The following GOLIM4 variants were observed in gnomAD, a reference collection of about 807,000 sequenced individuals.
The protein encoded by GOLIM4 is 130 kDa golgi-localized phosphoprotein.
GOLIM4 carries 71 observed loss-of-function variants against 107.4 expected under a neutral mutation model. That is an observed-to-expected ratio of 0.66 (90% CI 0.55 to 0.81). GOLIM4 has a LOEUF of 0.81. Among genes scored for constraint, GOLIM4 ranks in the 30% least tolerant of loss-of-function variants. The pLI is 0.00. For missense variants in GOLIM4, 830 were observed against 826.1 expected, an observed-to-expected ratio of 1.00 and a Z score of -0.06; for synonymous variants, 327 against 294.8, an observed-to-expected ratio of 1.11 and a Z score of -1.12.
At chr3:168,059,728 C>T (rs1024661401) in intron 1 of GOLIM4, among the ~76,000 whole-genome samples, 4 of 152,024 alleles carry the variant, frequency 2.6e-5, no homozygotes, top group African/African-American at 4.8e-5. Flanking sequence ...TAAAAGAGAT[C>T]GAAAGAGACT....
At chr3:168,049,799 T>C (rs1309470643) in intron 1 of GOLIM4, among the ~76,000 whole-genome samples, 1 of 152,162 alleles carries the variant, frequency 6.6e-6, no homozygotes, top group African/African-American at 2.4e-5. Flanking sequence ...CAACCACCAT[T>C]GTCCTCTTTT....
chr3:168,011,228 T>C (rs951953519), intron 14 of GOLIM4, among the ~76,000 whole-genome samples: 14 of 150,642 alleles, frequency 9.3e-5, no homozygotes, highest in African/African-American at 3.2e-4. Context: ...TTGTCTCACT[T>C]GGGAAGCTCA....
chr3:168,010,789 T>G lies in GOLIM4; in HGVS notation c.1895A>C (p.Glu632Ala), dbSNP rs376136189. 6.2e-7 allele frequency: 1 copy of G among 1,612,268 alleles called. No individual in the cohort carries two copies. The highest frequency in any genetic ancestry group is 8.5e-7 in the Non-Finnish European group (1 of 1,178,882). The change falls in exon 15 of 16, where the codon GAA becomes GCA. Residue 632 changes from glutamate to alanine, a missense_variant. By Grantham distance (107) the Glu-to-Ala change is moderately radical. Coordinates refer to ENST00000470487, the MANE Select transcript of GOLIM4 (RefSeq NM_014498.5). ...QEDLTEEKKR[E>A]LEHNAEETYG... ...GGTCTCTTCAGCATTATGCTCCAGT[T>G]CCCTTTTTTTCTCTTCAGTCAAATC...
chr3:168,057,924 C>T (rs1720066859), intron 1 of GOLIM4, among the ~76,000 whole-genome samples: 1 of 152,084 alleles, frequency 6.6e-6, no homozygotes, highest in Admixed American at 6.6e-5. Flanking sequence ...TCTTCTATGC[C>T]CCAGCACTTT....
At chr3:168,077,921 A>G (rs9835867) in intron 1 of GOLIM4, among the ~76,000 whole-genome samples, 39,893 of 152,040 alleles carry the variant, frequency 0.26, 6,321 homozygotes, top group African/African-American at 0.44. Context: ...CAGTCTTTCA[A>G]ATGAACTGAA....
chr3:168,091,807 C>T (rs532101141), intron 1 of GOLIM4, among the ~76,000 whole-genome samples: 4 of 152,220 alleles, frequency 2.6e-5, no homozygotes, highest in Non-Finnish European at 4.4e-5. Context: ...ATAAGAAAAA[C>T]GTCAAGGTTC....
chr3:168,036,182 TACA>T (rs1356737713), intron 8 of GOLIM4, among the ~76,000 whole-genome samples: 1 of 152,168 alleles, frequency 6.6e-6, no homozygotes, highest in Non-Finnish European at 1.5e-5. Flanking sequence ...ACTCAGATAC[TACA>T]ACTCCTTGAA....
intron 1 of GOLIM4, among the ~76,000 whole-genome samples, chr3:168,070,387 C>T (rs752735452): frequency 8.5e-5 from 13 of 152,102 alleles, no homozygotes; most frequent in Non-Finnish European, 1.6e-4. Context: ...AGCGAGACTC[C>T]GTCTCAAAAA....
chr3:168,082,309 G>A (rs567037976), intron 1 of GOLIM4, among the ~76,000 whole-genome samples: 1 of 152,198 alleles, frequency 6.6e-6, no homozygotes, highest in Admixed American at 6.5e-5. Context: ...TGGATAGGAG[G>A]CAGTTCTAAG....
chr3:168,080,729 G>C (rs1721318372), intron 1 of GOLIM4, among the ~76,000 whole-genome samples: 1 of 152,158 alleles, frequency 6.6e-6, no homozygotes, highest in South Asian at 2.1e-4. Context: ...ACCTGACACA[G>C]AAATGCAGGT....
chr3:168,032,498 C>A, intron 9 of GOLIM4, 22 bp downstream of exon 9: 2 of 1,580,376 alleles, frequency 1.3e-6, no homozygotes, highest in Non-Finnish European at 1.7e-6. Context: ...GTACACCATA[C>A]CAGAAGCGGG....
chr3:168,050,712 A>T (rs1435273624), intron 1 of GOLIM4, among the ~76,000 whole-genome samples: 1 of 152,004 alleles, frequency 6.6e-6, no homozygotes, highest in Non-Finnish European at 1.5e-5. Flanking sequence ...TATAGACTGA[A>T]TTTCAGCAAT....
At chr3:168,085,685 G>A (rs1451271701) in intron 1 of GOLIM4, among the ~76,000 whole-genome samples, 1 of 152,168 alleles carries the variant, frequency 6.6e-6, no homozygotes, top group Non-Finnish European at 1.5e-5. Context: ...ATGACTCAGA[G>A]TGGAACCAAG....
Position 168,095,231 on chromosome 3 carries a change from G to C in GOLIM4, c.55C>G (p.Leu19Val), listed in dbSNP as rs1412108826. ...KQKRIFQTLL[L>V]LTVVFGFLYG... Reference sequence around the variant, plus strand: ...AGAAAGCCGAACACGACGGTCAGCAGCAGCAGCGTCTGGAAAATCCGCTTC... The same window carrying C: ...AGAAAGCCGAACACGACGGTCAGCACCAGCAGCGTCTGGAAAATCCGCTTC... The change falls in exon 1 of 16, where the codon CTG becomes GTG. Residue 19 changes from leucine to valine, a missense_variant. Leu to Val is a conservative substitution (Grantham distance 32). Coordinates refer to ENST00000470487, the MANE Select transcript of GOLIM4 (RefSeq NM_014498.5). 6.2e-7 allele frequency: 1 copy of C among 1,613,508 alleles called. No homozygotes were observed. The highest frequency in any genetic ancestry group is 1.3e-5 in the African/African-American group (1 of 74,926).
At position 168,040,773 on chromosome 3, in the gene GOLIM4, C is replaced by A; in HGVS notation, c.684+13G>T. 6.4e-7 allele frequency: 1 copy of A among 1,570,724 alleles called. No homozygotes were observed. Among genetic ancestry groups the A allele is most frequent in the Non-Finnish European group, 8.7e-7 (1 of 1,143,732 alleles). On this transcript the variant is annotated intron_variant, in intron 7 of 15. Coordinates refer to ENST00000470487, the MANE Select transcript of GOLIM4 (RefSeq NM_014498.5). ...CTTGTAAAAGAACCCACAGAGGCTG[C>A]TACCCTTCTAACCTGTGCAGCAGCT...
chr3:168,030,115 A>G, intron 9 of GOLIM4, 79 bp from the exon 10 acceptor site: 2 of 1,386,048 alleles, frequency 1.4e-6, no homozygotes, highest in Non-Finnish European at 1.0e-6. Context: ...CTCCTGACAA[A>G]CTCAGGAGGC....
chr3:168,083,795 C>T (rs950714265), intron 1 of GOLIM4, among the ~76,000 whole-genome samples: 3 of 152,038 alleles, frequency 2.0e-5, no homozygotes, highest in Admixed American at 6.6e-5. Flanking sequence ...TAGGCTGCTA[C>T]GAAGGCTGCC....
At chr3:168,022,592 G>C (rs948436670) in intron 14 of GOLIM4, among the ~76,000 whole-genome samples, 1 of 152,180 alleles carries the variant, frequency 6.6e-6, no homozygotes, top group Non-Finnish European at 1.5e-5. Flanking sequence ...ACGATGGACA[G>C]AGGTGGGAAG....
chr3:168,011,763 G>A (rs1186226636), intron 14 of GOLIM4, among the ~76,000 whole-genome samples: 1 of 135,208 alleles, frequency 7.4e-6, no homozygotes, highest in Non-Finnish European at 1.5e-5. Flanking sequence ...CTAACTGGGA[G>A]GCACCCCCCA....
Sources: gnomAD v4.1 joint callset for allele counts (sites outside exome capture counted in the v4.1 genomes callset) on GRCh38, gnomAD v4.1.1 for gene constraint, MANE v1.5 for transcripts, NCBI Gene and HGNC (gene_info 2026-07-23, HGNC 2026-07-21) for gene names.